SPPL2A: variants seen among roughly 807,000 people sequenced by gnomAD.
SPPL2A encodes the protein signal peptide peptidase-like 2A.
In SPPL2A, 51 loss-of-function variants were observed where a neutral mutation model predicts 63.8. That is an observed-to-expected ratio of 0.80 (90% CI 0.64 to 1.01). The LOEUF (loss-of-function observed/expected upper bound fraction) is 1.01, where lower values mean the gene tolerates loss of function less well. Among genes scored for constraint, SPPL2A ranks in the 50% least tolerant of loss-of-function variants. SPPL2A has a pLI of 0.00. For missense variants in SPPL2A, 553 were observed against 622.7 expected (o/e 0.89, Z 1.19); for synonymous variants, 188 against 205.8 (o/e 0.91, Z 0.74).
At chr15:50,749,303 T>C (rs77091244) in intron 2 of SPPL2A, among the ~76,000 whole-genome samples, 1 of 152,078 alleles carries the variant, frequency 6.6e-6, no homozygotes, top group African/African-American at 2.4e-5. Context: ...TTTTTTTTTT[T>C]CAGAGACGAA....
At chr15:50,719,046 A>G (rs2062622962) in intron 14 of SPPL2A, among the ~76,000 whole-genome samples, 1 of 152,094 alleles carries the variant, frequency 6.6e-6, no homozygotes, top group African/African-American at 2.4e-5. Context: ...ATGCAAACAG[A>G]CTTTACTGGA....
chr15:50,736,020 A>C, intron 8 of SPPL2A, 81 bp downstream of exon 8: 1 of 898,118 alleles, frequency 1.1e-6, no homozygotes, highest in Non-Finnish European at 1.8e-6. Context: ...AAAAAATTCC[A>C]TAATAATCAT....
In SPPL2A at chr15:50,748,687, C is replaced by G; in HGVS notation, c.360+1G>C. 1 of 1,570,342 alleles carries G rather than the reference C, an allele frequency of 6.4e-7. No individual in the cohort carries two copies. The highest frequency in any genetic ancestry group is 8.6e-7 in the Non-Finnish European group (1 of 1,159,898). ...AAGATATGATTGTTTTTATAACTTACTAGGACACTGTTATTGACAACTAAC... is the reference window on the plus strand; with the variant it reads ...AAGATATGATTGTTTTTATAACTTAGTAGGACACTGTTATTGACAACTAAC... On this transcript the variant is annotated splice_donor_variant, in intron 3 of 14. Coordinates refer to ENST00000261854, the MANE Select transcript of SPPL2A (RefSeq NM_032802.4). LOFTEE classifies it high-confidence loss of function.
chr15:50,728,286 C>T (rs1316441337), intron 10 of SPPL2A, among the ~76,000 whole-genome samples: 2 of 152,184 alleles, frequency 1.3e-5, no homozygotes, highest in South Asian at 2.1e-4. Flanking sequence ...CCTACAAAAA[C>T]ACACTTTTGA....
intron 5 of SPPL2A, 112 bp from the exon 6 acceptor site, chr15:50,739,940 T>G (rs1206718585): frequency 3.8e-6 from 2 of 524,952 alleles, no homozygotes; most frequent in Admixed American, 4.3e-5. Flanking sequence ...GTATTTTTAT[T>G]TATTAAAATA....
chr15:50,746,456 A>G (rs2141049880), intron 5 of SPPL2A, among the ~76,000 whole-genome samples: 1 of 150,454 alleles, frequency 6.6e-6, no homozygotes, highest in Admixed American at 6.6e-5. Context: ...AAAAAAAAAA[A>G]AAAAAGGAAA....
chr15:50,742,297 G>A (rs568415590), intron 5 of SPPL2A, among the ~76,000 whole-genome samples: 99 of 152,150 alleles, frequency 6.5e-4, no homozygotes, highest in African/African-American at 2.2e-3. Context: ...GGCTGAGGCA[G>A]GAGAATTGCT....
At position 50,736,209 on chromosome 15, in the gene SPPL2A, AAC is replaced by A. The variant is rs775599662; in HGVS notation, c.831-9_831-8del. 6.5e-7 allele frequency: 1 copy of A among 1,550,046 alleles called. No homozygotes were observed. Among genetic ancestry groups the A allele is most frequent in the South Asian group, 1.1e-5 (1 of 89,730 alleles). On this transcript the variant is annotated splice_polypyrimidine_tract_variant and splice_region_variant and intron_variant, in intron 7 of 14. Coordinates refer to ENST00000261854, the MANE Select transcript of SPPL2A (RefSeq NM_032802.4). ...TTTGCCACGACATGCAATCCTAAAA[AAC>A]AGATTAAAATAGTTAACACTGCAGA...
chr15:50,751,833 G>GT (rs1012851993), intron 1 of SPPL2A, among the ~76,000 whole-genome samples: 43 of 151,916 alleles, frequency 2.8e-4, no homozygotes, highest in Admixed American at 7.9e-4. Flanking sequence ...TCTTTTGTTT[G>GT]TTTTTTTGTT....
chr15:50,716,736 C>T (rs2062601932), intron 14 of SPPL2A, among the ~76,000 whole-genome samples: 1 of 152,138 alleles, frequency 6.6e-6, no homozygotes, highest in Non-Finnish European at 1.5e-5. Flanking sequence ...TACAGTTAAT[C>T]AGATAAGTAC....
At chr15:50,712,676 C>CG (rs2062568729) in intron 14 of SPPL2A, among the ~76,000 whole-genome samples, 2 of 134,826 alleles carry the variant, frequency 1.5e-5, no homozygotes, top group African/African-American at 5.4e-5. Context: ...TCCCTCCCCC[C>CG]CCCTTTTTTT....
rs61674724 is a variant in SPPL2A, at chr15:50,703,356, A to ATTTTTTTTTTTTTTT, written c.*4429_*4443dup. On this transcript the variant is annotated 3_prime_UTR_variant, in exon 15 of 15. Coordinates refer to ENST00000261854, the MANE Select transcript of SPPL2A (RefSeq NM_032802.4). ...TATATATATATATATACATATATAT[A>ATTTTTTTTTTTTTTT]TTTTTTTTTTTTTTTTTTTTTTTTG... 4.8e-5 allele frequency: 3 copies of ATTTTTTTTTTTTTTT among 62,042 alleles called. No individual in the cohort carries two copies. The highest frequency in any genetic ancestry group is 7.0e-5 in the African/African-American group (1 of 14,240). 3.8% of individuals were successfully genotyped at this position (62,042 alleles called of 1,614,324 possible). A position where few individuals can be genotyped will look rare whatever the true frequency, so the allele number is the denominator to read the frequency against.
intron 6 of SPPL2A, among the ~76,000 whole-genome samples, chr15:50,739,448 G>A (rs1297712072): frequency 6.6e-6 from 1 of 151,556 alleles, no homozygotes; most frequent in Non-Finnish European, 1.5e-5. Flanking sequence ...CAAAGTGCTG[G>A]GATTACAGGT....
At chr15:50,751,837 TTTTG>T (rs1163495337) in intron 1 of SPPL2A, among the ~76,000 whole-genome samples, 1 of 152,194 alleles carries the variant, frequency 6.6e-6, no homozygotes, top group Admixed American at 6.5e-5. Flanking sequence ...TTGTTTGTTT[TTTTG>T]TTTGAGACGG....
At chr15:50,719,758 C>A (rs2062629568) in intron 14 of SPPL2A, among the ~76,000 whole-genome samples, 182 bp downstream of exon 14, 1 of 151,290 alleles carries the variant, frequency 6.6e-6, no homozygotes, top group Admixed American at 6.6e-5. Flanking sequence ...AATCACCAGG[C>A]TTTTGGCATT....
intron 6 of SPPL2A, among the ~76,000 whole-genome samples, chr15:50,736,971 G>A (rs2062776249): frequency 6.6e-6 from 1 of 151,986 alleles, no homozygotes; most frequent in Non-Finnish European, 1.5e-5. Flanking sequence ...GAATGCAGTG[G>A]TGTAATCTCG....
In SPPL2A at chr15:50,765,638, G is replaced by T; in HGVS notation, c.-105C>A. 2.6e-6 allele frequency: 2 copies of T among 758,960 alleles called. No individual in the cohort carries two copies. The highest frequency in any genetic ancestry group is 3.7e-6 in the Non-Finnish European group (2 of 539,888). The allele number at this position is 758,960 out of a possible 1,614,324, so 47.0% of individuals were successfully genotyped here. A position where few individuals can be genotyped will look rare whatever the true frequency, so the allele number is the denominator to read the frequency against. On this transcript the variant is annotated 5_prime_UTR_variant, in exon 1 of 15. Coordinates refer to ENST00000261854, the MANE Select transcript of SPPL2A (RefSeq NM_032802.4). ...GCTGCCTCCGTGGCCGGACCGGACC[G>T]GACAGGCGCGGGCGGCCGGGCTACG...
chr15:50,710,492 G>T (rs1397149535), intron 14 of SPPL2A, among the ~76,000 whole-genome samples: 1 of 151,988 alleles, frequency 6.6e-6, no homozygotes, highest in African/African-American at 2.4e-5. Context: ...AAAGAACAAA[G>T]TTTTAAAAAA....
At chr15:50,734,430 T>C (rs1440807827) in intron 8 of SPPL2A, among the ~76,000 whole-genome samples, 3 of 152,136 alleles carry the variant, frequency 2.0e-5, no homozygotes, top group Non-Finnish European at 4.4e-5. Context: ...AAATATTGCA[T>C]GTTCTCACTC....
Sources: allele counts gnomAD v4.1 joint callset (sites outside exome capture counted in the v4.1 genomes callset), GRCh38; gene constraint gnomAD v4.1.1; transcripts MANE v1.5; gene names NCBI Gene and HGNC (gene_info 2026-07-23, HGNC 2026-07-21).